The following REEP3 variants were observed in gnomAD, a reference collection of about 807,000 sequenced individuals.
REEP3 encodes the protein receptor expression-enhancing protein 3.
REEP3 carries 20 observed loss-of-function variants against 41.3 expected under a neutral mutation model. That is an observed-to-expected ratio of 0.48 (90% CI 0.34 to 0.70). REEP3 has a LOEUF of 0.70. Ranked by LOEUF, REEP3 falls within the 30% of genes least tolerant of loss-of-function variation. The pLI, the probability that REEP3 is intolerant of heterozygous loss-of-function variation, is 0.01. For synonymous variants in REEP3, 104 were observed against 101.8 expected (o/e 1.02, Z -0.13); for missense variants, 271 against 308.8 (o/e 0.88, Z 0.92).
intron 1 of REEP3, among the ~76,000 whole-genome samples, chr10:63,540,177 G>T (rs1329184048): frequency 6.6e-6 from 1 of 152,140 alleles, no homozygotes; most frequent in African/African-American, 2.4e-5. Flanking sequence ...AGTATTAGGA[G>T]AAAAGAATGT....
chr10:63,596,872 G>C (rs1241229886), intron 3 of REEP3, among the ~76,000 whole-genome samples: 1 of 152,032 alleles, frequency 6.6e-6, no homozygotes, highest in Non-Finnish European at 1.5e-5. Context: ...TGAACTCCTG[G>C]GCTGAAGCAA....
At position 63,589,536 on chromosome 10, in the gene REEP3, C is replaced by T. The variant is rs537373913; in HGVS notation, c.106-5242C>T. Among the ~76,000 whole-genome samples, 7 of 152,246 alleles carry T rather than the reference C, an allele frequency of 4.6e-5. No individual in the cohort carries two copies. In the East Asian group the frequency reaches 1.2e-3, roughly 25 times the overall value. ...ACTGCCACCACCAGTTAGCTGTGAC[C>T]GTGGCTCTCACCTGCTTACCATCTT... is the stretch of plus-strand genomic sequence containing the variant. On this transcript the variant is annotated intron_variant, in intron 2 of 7. Coordinates refer to ENST00000373758, the MANE Select transcript of REEP3 (RefSeq NM_001001330.3).
intron 1 of REEP3, among the ~76,000 whole-genome samples, chr10:63,530,320 T>G (rs1356836723): frequency 1.3e-5 from 2 of 152,190 alleles, no homozygotes; most frequent in African/African-American, 4.8e-5. Context: ...TTCAATTAGG[T>G]TAAGGTAGAT....
At chr10:63,566,905 C>T (rs1453764768) in intron 2 of REEP3, among the ~76,000 whole-genome samples, 2 of 152,078 alleles carry the variant, frequency 1.3e-5, no homozygotes, top group Non-Finnish European at 2.9e-5. Flanking sequence ...CTTTGATTTG[C>T]GATGAGTCCT....
intron 1 of REEP3, among the ~76,000 whole-genome samples, chr10:63,559,595 T>C (rs937024420): frequency 5.3e-5 from 8 of 152,140 alleles, no homozygotes; most frequent in African/African-American, 1.9e-4. Flanking sequence ...GGAGTAAGAG[T>C]GCCTGGCTTT....
At chr10:63,611,555 T>C (rs774047439) in intron 6 of REEP3, among the ~76,000 whole-genome samples, 4 of 152,082 alleles carry the variant, frequency 2.6e-5, no homozygotes, top group Non-Finnish European at 2.9e-5. Context: ...TTATCACATA[T>C]AATAAGAAAG....
chr10:63,571,193 T>C (rs752925349), intron 2 of REEP3, among the ~76,000 whole-genome samples: 3 of 152,224 alleles, frequency 2.0e-5, no homozygotes, highest in Non-Finnish European at 2.9e-5. Flanking sequence ...ATATTTTCCA[T>C]TTATATGATT....
At chr10:63,539,446 T>G (rs1254735160) in intron 1 of REEP3, among the ~76,000 whole-genome samples, 1 of 152,212 alleles carries the variant, frequency 6.6e-6, no homozygotes, top group Non-Finnish European at 1.5e-5. Context: ...TCATTTAATT[T>G]GAGAAACATG....
intron 1 of REEP3, among the ~76,000 whole-genome samples, chr10:63,529,083 T>C (rs1483062171): frequency 1.3e-5 from 2 of 152,228 alleles, no homozygotes; most frequent in Non-Finnish European, 2.9e-5. Context: ...CACAGAACTA[T>C]TGATAGTAAA....
At chr10:63,594,222 A>T (rs1589880919) in intron 2 of REEP3, among the ~76,000 whole-genome samples, 1 of 90,290 alleles carries the variant, frequency 1.1e-5, no homozygotes, top group African/African-American at 4.3e-5. Flanking sequence ...TACAAAAAAA[A>T]AAAAACCAAA....
At chr10:63,526,044 A>G (rs988495851) in intron 1 of REEP3, among the ~76,000 whole-genome samples, 3 of 152,216 alleles carry the variant, frequency 2.0e-5, no homozygotes, top group Admixed American at 1.3e-4. Flanking sequence ...AAGGAAAAAC[A>G]TGCTCTCCTA....
intron 1 of REEP3, among the ~76,000 whole-genome samples, chr10:63,562,296 G>A (rs186315737): frequency 5.4e-5 from 8 of 149,310 alleles, no homozygotes; most frequent in East Asian, 2.0e-4. Flanking sequence ...TTACTCTGTC[G>A]CCCAGGCTGG....
At chr10:63,562,565 G>T (rs547310415) in intron 1 of REEP3, 1 of 456,494 alleles carries the variant, frequency 2.2e-6, no homozygotes, top group South Asian at 1.5e-5. Flanking sequence ...CCTTAAGGCA[G>T]AGATTGTTAA....
At chr10:63,534,566 G>A (rs1955457152) in intron 1 of REEP3, among the ~76,000 whole-genome samples, 1 of 152,146 alleles carries the variant, frequency 6.6e-6, no homozygotes, top group African/African-American at 2.4e-5. Flanking sequence ...ATTTTATGTG[G>A]TAAATAGGAT....
chr10:63,576,589 A>G (rs1955900582), intron 2 of REEP3, among the ~76,000 whole-genome samples: 1 of 152,206 alleles, frequency 6.6e-6, no homozygotes, highest in Admixed American at 6.5e-5. Flanking sequence ...CCTGTTTCCA[A>G]ATAAGGTCAC....
chr10:63,604,249 G>A (rs747396074), intron 5 of REEP3, among the ~76,000 whole-genome samples: 6 of 152,178 alleles, frequency 3.9e-5, no homozygotes, highest in Non-Finnish European at 8.8e-5. Flanking sequence ...TGTTCGCAAG[G>A]TCACTGTACA....
intron 1 of REEP3, among the ~76,000 whole-genome samples, chr10:63,527,179 A>C (rs1955372731): frequency 6.6e-6 from 1 of 152,054 alleles, no homozygotes; most frequent in South Asian, 2.1e-4. Flanking sequence ...TAAATTATAC[A>C]CCTTAAAAAC....
At chr10:63,555,160 G>A (rs956921608) in intron 1 of REEP3, among the ~76,000 whole-genome samples, 7 of 152,272 alleles carry the variant, frequency 4.6e-5, no homozygotes, top group African/African-American at 1.7e-4. Flanking sequence ...AAAACATAAA[G>A]TCTTTCAAAG....
chr10:63,619,765 A>T lies in REEP3; in HGVS notation c.676A>T (p.Met226Leu). 1 of 1,610,434 alleles carries T rather than the reference A, an allele frequency of 6.2e-7. No homozygotes were observed. Residue 226 changes from methionine to leucine, a missense_variant, in exon 7 of 8, where the codon ATG (methionine) becomes TTG (leucine). Coordinates refer to ENST00000373758, the MANE Select transcript of REEP3 (RefSeq NM_001001330.3). ...CAAAGGGCTTCGAAGATCGCAAAGC[A>T]TGAAATCTGTGAAAACCACCAAAGG... The part of the protein sequence containing the change: ...THKGLRRSQS[M>L]KSVKTTKGRK...
Sources: gnomAD v4.1 joint callset for allele counts (sites outside exome capture counted in the v4.1 genomes callset) on GRCh38, gnomAD v4.1.1 for gene constraint, MANE v1.5 for transcripts, NCBI Gene and HGNC (gene_info 2026-07-23, HGNC 2026-07-21) for gene names.